RORA: variants seen among roughly 807,000 people sequenced by gnomAD.
The protein encoded by RORA is RAR related orphan receptor A.
In RORA, 7 loss-of-function variants were observed where a neutral mutation model predicts 69.5. The ratio of observed to expected loss-of-function variants is 0.10; its 90% CI spans 0.06 to 0.19. The LOEUF (loss-of-function observed/expected upper bound fraction) is 0.19, where lower values mean the gene tolerates loss of function less well. RORA is among the 10% of genes least tolerant of loss of function. RORA has a pLI of 1.00. For missense variants in RORA, 457 were observed against 663.0 expected (o/e 0.69, Z 3.41); for synonymous variants, 261 against 240.8 (o/e 1.08, Z -0.78).
chr15:61,120,230 T>C (rs751957638), intron 1 of RORA, among the ~76,000 whole-genome samples: 1 of 152,072 alleles, frequency 6.6e-6, no homozygotes, highest in Non-Finnish European at 1.5e-5. Context: ...TACTTAAGAT[T>C]TGCATCCTTT....
rs77665070 is a variant in RORA, at chr15:60,823,124, C to T, written c.167-144438G>A. On this transcript the variant is annotated intron_variant, in intron 1 of 10. Transcript: ENST00000335670. ...CATTCTTCTCTTTCTCTCTCTCTCT[C>T]TCTCTCTTTCTTTTTTTCTCCCTTC... Among the ~76,000 whole-genome samples the T allele has an allele frequency of 2.0e-3, 5 of 2,520 alleles. No individual in the cohort carries two copies. The South Asian group carries it at 0.13, about 67-fold the overall frequency. The allele number at this position is 2,520 out of a possible 152,430, so 1.7% of individuals were successfully genotyped here.
chr15:61,180,711 A>G (rs2079676331), intron 1 of RORA, among the ~76,000 whole-genome samples: 1 of 152,218 alleles, frequency 6.6e-6, no homozygotes, highest in Non-Finnish European at 1.5e-5. Flanking sequence ...TCCTTACTAG[A>G]CCATGAGCAC....
chr15:60,777,753 T>C (rs2072193178), intron 1 of RORA, among the ~76,000 whole-genome samples: 1 of 152,194 alleles, frequency 6.6e-6, no homozygotes, highest in African/African-American at 2.4e-5. Flanking sequence ...GTAACCACTT[T>C]GGAGAACCGA....
intron 1 of RORA, among the ~76,000 whole-genome samples, chr15:61,221,785 T>C (rs2080099357): frequency 6.6e-6 from 1 of 152,102 alleles, no homozygotes; most frequent in South Asian, 2.1e-4. Flanking sequence ...CACCCTTCCT[T>C]GCATCCCAGA....
chr15:60,975,277 T>C (rs1893844361), intron 1 of RORA, among the ~76,000 whole-genome samples: 1 of 152,080 alleles, frequency 6.6e-6, no homozygotes, highest in Non-Finnish European at 1.5e-5. Context: ...ACATACATTG[T>C]GAAGATATGC....
chr15:61,039,744 CAAA>C (rs5813062), intron 1 of RORA, among the ~76,000 whole-genome samples: 6 of 82,642 alleles, frequency 7.3e-5, no homozygotes, highest in African/African-American at 1.8e-4. Context: ...GACTCTGTCT[CAAA>C]AAAAAAAAAA....
At chr15:61,094,196 A>C (rs2078755412) in intron 1 of RORA, among the ~76,000 whole-genome samples, 1 of 152,198 alleles carries the variant, frequency 6.6e-6, no homozygotes, top group African/African-American at 2.4e-5. Context: ...TGAGTGAACA[A>C]AAATAATGAG....
chr15:61,225,597 T>A (rs1396651989), intron 1 of RORA, among the ~76,000 whole-genome samples: 1 of 152,206 alleles, frequency 6.6e-6, no homozygotes, highest in Non-Finnish European at 1.5e-5. Flanking sequence ...GGTTTCGATT[T>A]TTCCCTTAGG....
intron 1 of RORA, among the ~76,000 whole-genome samples, chr15:60,963,367 T>A (rs1163797065): frequency 6.6e-6 from 1 of 152,024 alleles, no homozygotes; most frequent in Non-Finnish European, 1.5e-5. Flanking sequence ...TAAGCAGAGG[T>A]CTTAGGCCTG....
At chr15:60,923,151 G>A (rs1463759167) in intron 1 of RORA, among the ~76,000 whole-genome samples, 1 of 152,080 alleles carries the variant, frequency 6.6e-6, no homozygotes, top group Non-Finnish European at 1.5e-5. Flanking sequence ...ACAGGATGCC[G>A]TCCTCTGAAG....
intron 3 of RORA, among the ~76,000 whole-genome samples, chr15:60,515,939 TTA>T (rs1241296095): frequency 0.37 from 11,930 of 32,242 alleles, 2,238 homozygotes; most frequent in Middle Eastern, 0.64. Flanking sequence ...ATATATATAT[TTA>T]TATATATTTA....
chr15:60,560,096 A>C (rs2067486634), intron 2 of RORA, among the ~76,000 whole-genome samples: 1 of 152,228 alleles, frequency 6.6e-6, no homozygotes, highest in Admixed American at 6.5e-5. Flanking sequence ...AAAGTTTATC[A>C]CAGCAACTCC....
At chr15:60,536,962 G>C (rs920207) in intron 2 of RORA, among the ~76,000 whole-genome samples, 3,875 of 152,298 alleles carry the variant, frequency 0.025, 174 homozygotes, top group African/African-American at 0.09. Flanking sequence ...CAACCAGCAT[G>C]TATTACTTTT....
intron 1 of RORA, among the ~76,000 whole-genome samples, chr15:61,113,710 T>C (rs1398484543): frequency 6.6e-6 from 1 of 152,170 alleles, no homozygotes; most frequent in Non-Finnish European, 1.5e-5. Context: ...TGTGCACACA[T>C]GCGGATATAT....
intron 1 of RORA, among the ~76,000 whole-genome samples, chr15:61,081,040 C>CA (rs2078531504): frequency 6.6e-6 from 1 of 152,196 alleles, no homozygotes; most frequent in African/African-American, 2.4e-5. Flanking sequence ...AAAGTGAAGT[C>CA]ACAGGGCCGA....
chr15:61,155,622 C>T (rs142535390), intron 1 of RORA, among the ~76,000 whole-genome samples: 8 of 152,212 alleles, frequency 5.3e-5, no homozygotes, highest in Non-Finnish European at 2.9e-5. Flanking sequence ...CAACAGAGAC[C>T]GATCAATGGG....
At chr15:60,841,078 G>A in intron 1 of RORA, 1 of 984,998 alleles carries the variant, frequency 1.0e-6, no homozygotes, top group Non-Finnish European at 1.2e-6. Flanking sequence ...ACCAAATGTT[G>A]ACTGACTCCC....
intron 1 of RORA, among the ~76,000 whole-genome samples, chr15:61,140,760 C>G (rs1024089984): frequency 6.6e-6 from 1 of 152,058 alleles, no homozygotes; most frequent in Admixed American, 6.5e-5. Context: ...TAGGGTTTAA[C>G]GCTGGTACTC....
intron 2 of RORA, among the ~76,000 whole-genome samples, chr15:60,616,793 G>A (rs188334897): frequency 2.0e-5 from 3 of 152,308 alleles, no homozygotes; most frequent in Non-Finnish European, 2.9e-5. Flanking sequence ...GGTTCAGCTC[G>A]ACTAGCTGCA....
Sources: gnomAD v4.1 joint callset for allele counts (sites outside exome capture counted in the v4.1 genomes callset) on GRCh38, gnomAD v4.1.1 for gene constraint, MANE v1.5 for transcripts, NCBI Gene and HGNC (gene_info 2026-07-23, HGNC 2026-07-21) for gene names.